SSPN: variants seen among roughly 807,000 people sequenced by gnomAD.
SSPN encodes the protein K-ras oncogene-associated protein.
SSPN carries 15 observed loss-of-function variants against 19.1 expected under a neutral mutation model. That is an observed-to-expected ratio of 0.78 (90% CI 0.52 to 1.21). The LOEUF (loss-of-function observed/expected upper bound fraction) is 1.21, where lower values mean the gene tolerates loss of function less well. Ranked by LOEUF, SSPN falls within the 50% of genes most tolerant of loss-of-function variation. The pLI is 0.00. For synonymous variants in SSPN, 147 were observed against 140.3 expected, an observed-to-expected ratio of 1.05 and a Z score of -0.34; for missense variants, 291 against 314.0, an observed-to-expected ratio of 0.93 and a Z score of 0.55.
chr12:26,208,985 A>G (rs12579758), intron 1 of SSPN, among the ~76,000 whole-genome samples: 37,612 of 151,914 alleles, frequency 0.25, 5,156 homozygotes, highest in East Asian at 0.51. Flanking sequence ...AAGATGATGG[A>G]TAAGCAGCCC....
intron 1 of SSPN, among the ~76,000 whole-genome samples, chr12:26,143,158 A>C (rs1169286579): frequency 1.3e-5 from 2 of 152,234 alleles, no homozygotes; most frequent in Non-Finnish European, 2.9e-5. Context: ...TTTGGAAAGT[A>C]GCCTTTATTC....
At chr12:26,122,707 G>A (rs1338499895) in intron 1 of SSPN, 1 of 1,580,288 alleles carries the variant, frequency 6.3e-7, no homozygotes, top group African/African-American at 1.4e-5. Flanking sequence ...TCCTCCCCGG[G>A]AGGCTCCTGC....
chr12:26,218,529 A>G (rs974070457), intron 1 of SSPN, among the ~76,000 whole-genome samples: 3 of 148,372 alleles, frequency 2.0e-5, no homozygotes, highest in African/African-American at 7.3e-5. Context: ...TCCTCACCCC[A>G]GACCTATTGG....
At chr12:26,208,065 A>G (rs12313513) in intron 1 of SSPN, among the ~76,000 whole-genome samples, 2 of 151,278 alleles carry the variant, frequency 1.3e-5, no homozygotes, top group Non-Finnish European at 2.9e-5. Context: ...TGTTGAAGAA[A>G]ATTTGTTTTC....
chr12:26,124,709 G>A (rs1313733621), intron 1 of SSPN: 1 of 1,613,584 alleles, frequency 6.2e-7, no homozygotes. Context: ...AAGGGTGCGT[G>A]CACCTTACCC....
At chr12:26,199,381 G>T (rs34218011) in intron 1 of SSPN, among the ~76,000 whole-genome samples, 1 of 151,998 alleles carries the variant, frequency 6.6e-6, no homozygotes, top group African/African-American at 2.4e-5. Context: ...TTCCTGTAAG[G>T]GGGGAAAAAA....
intron 1 of SSPN, among the ~76,000 whole-genome samples, chr12:26,145,213 G>GACTT (rs1944483031): frequency 6.6e-6 from 1 of 152,164 alleles, no homozygotes; most frequent in African/African-American, 2.4e-5. Context: ...CCTTCCTCAA[G>GACTT]ACTTAACTGA....
intron 1 of SSPN, among the ~76,000 whole-genome samples, chr12:26,186,413 G>T (rs535734689): frequency 1.3e-5 from 2 of 152,304 alleles, no homozygotes; most frequent in South Asian, 4.1e-4. Context: ...AAGTGGTACC[G>T]ATTCTTAAAA....
At chr12:26,205,894 C>T (rs1209674616) in intron 1 of SSPN, among the ~76,000 whole-genome samples, 1 of 152,224 alleles carries the variant, frequency 6.6e-6, no homozygotes, top group African/African-American at 2.4e-5. Context: ...CAAACCCACA[C>T]AGGTTGGCTT....
intron 1 of SSPN, among the ~76,000 whole-genome samples, chr12:26,203,429 C>A (rs1386899541): frequency 6.6e-6 from 1 of 151,010 alleles, no homozygotes; most frequent in Non-Finnish European, 1.5e-5. Flanking sequence ...AGTTCATAAG[C>A]TTACAGTGAA....
At chr12:26,155,143 G>A (rs1387812020) in intron 1 of SSPN, among the ~76,000 whole-genome samples, 2 of 152,200 alleles carry the variant, frequency 1.3e-5, no homozygotes, top group Non-Finnish European at 2.9e-5. Context: ...TCAGTTGGCT[G>A]CTTTTAAAGT....
At chr12:26,139,084 G>A (rs767205918) in intron 1 of SSPN, among the ~76,000 whole-genome samples, 5 of 152,120 alleles carry the variant, frequency 3.3e-5, no homozygotes, top group African/African-American at 9.7e-5. Flanking sequence ...GCATGTGTGT[G>A]TATGGTTTAT....
At chr12:26,155,350 G>A (rs1944549775) in intron 1 of SSPN, among the ~76,000 whole-genome samples, 1 of 152,220 alleles carries the variant, frequency 6.6e-6, no homozygotes, top group Non-Finnish European at 1.5e-5. Context: ...GGCCGCAGAT[G>A]ACAAAGATGG....
chr12:26,195,641 G>GCGGGCCCCCCCCC lies in SSPN; in HGVS notation c.-31_-30insGGGCCCCCCCCCC. 1 of 1,105,402 alleles carries GCGGGCCCCCCCCC rather than the reference G, an allele frequency of 9.0e-7. No homozygotes were observed. The highest frequency in any genetic ancestry group is 1.1e-6 in the Non-Finnish European group (1 of 878,120). The allele number at this position is 1,105,402 out of a possible 1,614,324, so 68.5% of individuals were successfully genotyped here. On this transcript the variant is annotated 5_prime_UTR_variant, in exon 1 of 3. Coordinates refer to ENST00000242729, the MANE Select transcript of SSPN (RefSeq NM_005086.5). ...CTCCAGGGCCCAGGGCGCCGCACAC[G>GCGGGCCCCCCCCC]CACCCACCCACCCACCCAGCCTCGC...
intron 1 of SSPN, among the ~76,000 whole-genome samples, chr12:26,149,741 T>A (rs1177860930): frequency 6.6e-6 from 1 of 152,256 alleles, no homozygotes; most frequent in African/African-American, 2.4e-5. Context: ...TAATTTTTGT[T>A]AGCCAAATAA....
intron 1 of SSPN, among the ~76,000 whole-genome samples, chr12:26,160,221 G>A (rs1049858947): frequency 2.6e-5 from 4 of 152,140 alleles, no homozygotes; most frequent in Admixed American, 6.5e-5. Flanking sequence ...AATAACATAG[G>A]GTGACTCTGT....
chr12:26,149,443 G>A (rs1944512210), intron 1 of SSPN, among the ~76,000 whole-genome samples: 1 of 152,046 alleles, frequency 6.6e-6, no homozygotes, highest in African/African-American at 2.4e-5. Flanking sequence ...CTTTATTTGG[G>A]GGCAAAAAAT....
chr12:26,146,844 AT>A (rs1944494671), intron 1 of SSPN, among the ~76,000 whole-genome samples: 1 of 150,274 alleles, frequency 6.7e-6, no homozygotes, highest in African/African-American at 2.4e-5. Flanking sequence ...AGAAATCATT[AT>A]TTCCCAACAA....
chr12:26,232,136 A>C lies in SSPN; in HGVS notation c.*1060A>C. ...TTGAAAAGCATCTCTCTTGGCAACC[A>C]ATCTATGTTTGAGGAAGATTGGGTA... On this transcript the variant is annotated 3_prime_UTR_variant, in exon 3 of 3. Coordinates refer to ENST00000242729, the MANE Select transcript of SSPN (RefSeq NM_005086.5). 2.0e-6 allele frequency: 2 copies of C among 985,498 alleles called. No individual in the cohort carries two copies. The highest frequency in any genetic ancestry group is 2.3e-4 in the East Asian group (2 of 8,824). 61.0% of individuals were successfully genotyped at this position (985,498 alleles called of 1,614,324 possible). A position where few individuals can be genotyped will look rare whatever the true frequency, so the allele number is the denominator to read the frequency against.
Sources: gnomAD v4.1 joint callset for allele counts (sites outside exome capture counted in the v4.1 genomes callset) on GRCh38, gnomAD v4.1.1 for gene constraint, MANE v1.5 for transcripts, NCBI Gene and HGNC (gene_info 2026-07-23, HGNC 2026-07-21) for gene names.